The following THSD4 variants were observed in gnomAD, a reference collection of about 807,000 sequenced individuals.
The protein encoded by THSD4 is thrombospondin type-1 domain-containing protein 4.
A neutral mutation model predicts 119.0 loss-of-function variants in THSD4; 69 were observed. The observed-to-expected ratio is 0.58, with a 90% CI of 0.48 to 0.71. The LOEUF is 0.71. Ranked by LOEUF, THSD4 falls within the 30% of genes least tolerant of loss-of-function variation. THSD4 has a pLI of 0.00. For missense variants in THSD4, 1,393 were observed against 1,391.1 expected (o/e 1.00, Z -0.02); for synonymous variants, 524 against 540.4 (o/e 0.97, Z 0.42).
chr15:71,412,525 A>G (rs8024384), intron 7 of THSD4, among the ~76,000 whole-genome samples: 32,508 of 152,156 alleles, frequency 0.21, 3,707 homozygotes, highest in Admixed American at 0.28. Flanking sequence ...GTATGTATTC[A>G]TGGAGCTAAG....
At chr15:71,493,034 T>C (rs1178086667) in intron 7 of THSD4, among the ~76,000 whole-genome samples, 1 of 152,198 alleles carries the variant, frequency 6.6e-6, no homozygotes, top group East Asian at 1.9e-4. Context: ...TTTCTTGGCT[T>C]AGAGGAGTCG....
At position 71,740,051 on chromosome 15, in the gene THSD4, C is replaced by A. The variant is rs34572643; in HGVS notation, c.1906+2044C>A. Among the ~76,000 whole-genome samples the A allele has an allele frequency of 2.9e-3, 442 of 152,222 alleles. 1 individual carries two copies. Among genetic ancestry groups the A allele is most frequent in the Middle Eastern group, 6.8e-3 (2 of 294 alleles). ...GAGCTTTTCCTGCCTGGAACCTCTG[C>A]AGTTCCATAATGATTTGGTAACTGG... On this transcript the variant is annotated intron_variant, in intron 11 of 17. Transcript: ENST00000261862.
chr15:71,529,836 G>A (rs777921079), intron 7 of THSD4, among the ~76,000 whole-genome samples: 1 of 152,122 alleles, frequency 6.6e-6, no homozygotes, highest in Admixed American at 6.6e-5. Context: ...GAATTAAATG[G>A]GGATCATAGC....
rs1205044847 is a variant in THSD4 at position 71,742,138 on chromosome 15, C to G, written c.1907-2968C>G. On this transcript the variant is annotated intron_variant, in intron 11 of 17. Coordinates refer to ENST00000261862, the MANE Select transcript of THSD4 (RefSeq NM_024817.3). ...CCCTTGTGATCCCATTGTGTATTTT[C>G]TCACATACCCTCGCCTAAACCCTTC... Among the ~76,000 whole-genome samples, 5 of 152,332 alleles carry G rather than the reference C, an allele frequency of 3.3e-5. No homozygotes were observed. The East Asian group carries it at 9.6e-4, about 29-fold the overall frequency.
At chr15:71,431,874 G>A (rs2046947132) in intron 7 of THSD4, among the ~76,000 whole-genome samples, 1 of 151,954 alleles carries the variant, frequency 6.6e-6, no homozygotes, top group African/African-American at 2.4e-5. Context: ...TCTAAAATCG[G>A]GATTTGTAGT....
At chr15:71,319,894 T>G (rs1206211614) in intron 6 of THSD4, among the ~76,000 whole-genome samples, 7 of 152,176 alleles carry the variant, frequency 4.6e-5, no homozygotes, top group East Asian at 1.9e-4. Context: ...GTAAGCAAAT[T>G]CTTTATTACA....
chr15:71,396,548 C>CACATCATCTTGCTGGAGGATACGTATCT (rs2046457787), intron 6 of THSD4, among the ~76,000 whole-genome samples: 1 of 152,168 alleles, frequency 6.6e-6, no homozygotes, highest in African/African-American at 2.4e-5. Context: ...AAACCCCAGC[C>CACATCATCTTGCTGGAGGATACGTATCT]ACATCATCTT....
At chr15:71,648,861 T>C (rs568236848) in intron 7 of THSD4, among the ~76,000 whole-genome samples, 1 of 152,314 alleles carries the variant, frequency 6.6e-6, no homozygotes, top group East Asian at 1.9e-4. Flanking sequence ...AGTTCTGAAT[T>C]AGGTACCTTC....
intron 6 of THSD4, among the ~76,000 whole-genome samples, chr15:71,362,562 A>C (rs1422117821): frequency 6.6e-6 from 1 of 152,228 alleles, no homozygotes; most frequent in African/African-American, 2.4e-5. Context: ...TAAAATTGGA[A>C]GCAAATATGA....
chr15:71,339,537 C>T (rs1221614870), intron 6 of THSD4, among the ~76,000 whole-genome samples: 2 of 152,086 alleles, frequency 1.3e-5, no homozygotes, highest in Admixed American at 6.6e-5. Context: ...TATCTATTAT[C>T]GATCAGGTAT....
intron 1 of THSD4, among the ~76,000 whole-genome samples, chr15:71,100,266 C>T (rs1199222469): frequency 6.6e-6 from 1 of 152,178 alleles, no homozygotes; most frequent in Non-Finnish European, 1.5e-5. Flanking sequence ...TGTGATTGTG[C>T]TATCTAAGAT....
intron 3 of THSD4, among the ~76,000 whole-genome samples, chr15:71,205,793 TA>T (rs927155527): frequency 1.3e-5 from 2 of 151,924 alleles, no homozygotes; most frequent in African/African-American, 2.4e-5. Flanking sequence ...GATGTAACAT[TA>T]AATCATCTGT....
chr15:71,404,960 C>A (rs2046586188), intron 6 of THSD4, among the ~76,000 whole-genome samples: 1 of 151,824 alleles, frequency 6.6e-6, no homozygotes, highest in Non-Finnish European at 1.5e-5. Flanking sequence ...ATGATCTCAG[C>A]TCACTACAAC....
chr15:71,305,064 G>A (rs778143926), intron 6 of THSD4, among the ~76,000 whole-genome samples: 40 of 152,198 alleles, frequency 2.6e-4, no homozygotes, highest in South Asian at 2.1e-4. Context: ...GGTGAAAAGT[G>A]GGTACGTTTT....
At chr15:71,514,664 G>T (rs906423747) in intron 7 of THSD4, among the ~76,000 whole-genome samples, 2 of 151,998 alleles carry the variant, frequency 1.3e-5, no homozygotes, top group African/African-American at 4.8e-5. Context: ...ACTGCAGAAA[G>T]AAAATATACA....
chr15:71,508,562 G>A (rs1367675465), intron 7 of THSD4, among the ~76,000 whole-genome samples: 1 of 152,172 alleles, frequency 6.6e-6, no homozygotes. Flanking sequence ...TGCGGCAGGG[G>A]GTGGGGTGGT....
At chr15:71,560,646 T>C (rs2049097915) in intron 7 of THSD4, among the ~76,000 whole-genome samples, 1 of 152,216 alleles carries the variant, frequency 6.6e-6, no homozygotes, top group African/African-American at 2.4e-5. Context: ...GTTATAAATA[T>C]AGTTGTATAT....
intron 7 of THSD4, among the ~76,000 whole-genome samples, chr15:71,527,965 C>G (rs1247245337): frequency 6.6e-6 from 1 of 152,100 alleles, no homozygotes; most frequent in Non-Finnish European, 1.5e-5. Context: ...ATCTTCCTGT[C>G]TCAGCCTTCC....
intron 5 of THSD4, among the ~76,000 whole-genome samples, chr15:71,254,676 T>C (rs1444806803): frequency 1.3e-5 from 2 of 152,214 alleles, no homozygotes; most frequent in Non-Finnish European, 2.9e-5. Context: ...GAACTCTGGC[T>C]CAGGCCAAAG....
Sources: gnomAD v4.1 joint callset for allele counts (sites outside exome capture counted in the v4.1 genomes callset) on GRCh38, gnomAD v4.1.1 for gene constraint, MANE v1.5 for transcripts, NCBI Gene and HGNC (gene_info 2026-07-23, HGNC 2026-07-21) for gene names.